Variants in HEPHL1 observed in about 807,000 individuals in gnomAD.
HEPHL1 encodes ferroxidase HEPHL1.
Under a neutral mutation model 122.0 loss-of-function variants are expected in HEPHL1, and 123 were observed. The ratio of observed to expected loss-of-function variants is 1.01; its 90% CI spans 0.87 to 1.17. The LOEUF (loss-of-function observed/expected upper bound fraction) is 1.17, where lower values mean the gene tolerates loss of function less well. Among genes scored for constraint, HEPHL1 ranks in the 50% most tolerant of loss-of-function variants. The pLI is 0.00. For missense variants in HEPHL1, 1,452 were observed against 1,430.5 expected (o/e 1.01, Z -0.24); for synonymous variants, 527 against 508.9 (o/e 1.04, Z -0.48).
Position 94,023,062 on chromosome 11 carries a change from A to G in HEPHL1, c.170+1524A>G, listed in dbSNP as rs143439268. ...CCAAAAATTCTATGAGGGATTTTTC[A>G]ATTCATTACTGCTTGCAGATATTAT... On this transcript the variant is annotated intron_variant, in intron 1 of 19. Coordinates refer to ENST00000315765, the MANE Select transcript of HEPHL1 (RefSeq NM_001098672.2). Among the ~76,000 whole-genome samples the G allele has an allele frequency of 2.6e-5, 4 of 152,338 alleles. No homozygotes were observed. In the East Asian group the frequency reaches 7.7e-4, roughly 29 times the overall value.
At chr11:94,066,336 C>T (rs1382587486) in intron 4 of HEPHL1, among the ~76,000 whole-genome samples, 1 of 152,222 alleles carries the variant, frequency 6.6e-6, no homozygotes, top group Non-Finnish European at 1.5e-5. Flanking sequence ...GGGAGGATCA[C>T]TTGAGGCCAG....
Position 94,055,914 on chromosome 11 carries a change from C to CCTGTAACAGCTAA in HEPHL1, c.416-7593_416-7581dup. 3 of 1,110,658 alleles carry CCTGTAACAGCTAA rather than the reference C, an allele frequency of 2.7e-6. No individual in the cohort carries two copies. The Admixed American group carries it at 6.1e-5, about 22-fold the overall frequency. 68.8% of individuals were successfully genotyped at this position (1,110,658 alleles called of 1,614,324 possible). A position where few individuals can be genotyped will look rare whatever the true frequency, so the allele number is the denominator to read the frequency against. On this transcript the variant is annotated intron_variant, in intron 2 of 19. Coordinates refer to ENST00000315765, the MANE Select transcript of HEPHL1 (RefSeq NM_001098672.2). Reference sequence around the variant, plus strand: ...ATATAAGGCAGAGCCTACCGTGCCTCCTGTAACAGCTAAGGCCAGGCCAAA... The same window carrying CCTGTAACAGCTAA: ...ATATAAGGCAGAGCCTACCGTGCCTCCTGTAACAGCTAACTGTAACAGCTAAGGCCAGGCCAAA...
intron 2 of HEPHL1, among the ~76,000 whole-genome samples, chr11:94,051,554 G>A (rs1484763236): frequency 6.6e-6 from 1 of 151,958 alleles, no homozygotes; most frequent in Middle Eastern, 3.2e-3. Context: ...ATCCCAGATA[G>A]GTAGTTTGCA....
chr11:94,071,692 G>A (rs531905985), intron 6 of HEPHL1, among the ~76,000 whole-genome samples: 66 of 152,286 alleles, frequency 4.3e-4, no homozygotes, highest in South Asian at 1.9e-3. Context: ...AGAAGTAACT[G>A]CAAGTTACAA....
intron 16 of HEPHL1, among the ~76,000 whole-genome samples, chr11:94,105,665 G>A (rs1246587971): frequency 6.6e-6 from 1 of 152,088 alleles, no homozygotes; most frequent in African/African-American, 2.4e-5. Context: ...TTTGTTCTCT[G>A]TAGAGTGGTA....
chr11:94,093,975 T>TAGATAGATAG (rs1565360475), intron 13 of HEPHL1, among the ~76,000 whole-genome samples: 2 of 48,016 alleles, frequency 4.2e-5, no homozygotes, highest in African/African-American at 1.4e-4. Context: ...CCAGCAGATA[T>TAGATAGATAG]ATATATATAT....
intron 1 of HEPHL1, among the ~76,000 whole-genome samples, chr11:94,045,067 C>T (rs934981249): frequency 2.6e-5 from 4 of 152,114 alleles, no homozygotes; most frequent in Non-Finnish European, 5.9e-5. Flanking sequence ...CCACCATGCT[C>T]GGCTTTTTTG....
intron 7 of HEPHL1, 66 bp downstream of exon 7, chr11:94,073,230 C>T (rs1565355028): frequency 6.2e-7 from 1 of 1,606,730 alleles, no homozygotes; most frequent in Non-Finnish European, 8.5e-7. Context: ...TGTACATCTG[C>T]ACAGAATGAC....
At chr11:94,071,385 C>T (rs371320855) in intron 6 of HEPHL1, among the ~76,000 whole-genome samples, 12 of 152,136 alleles carry the variant, frequency 7.9e-5, no homozygotes, top group East Asian at 3.9e-4. Context: ...TTCTACCAAA[C>T]GGATGCACTT....
At position 94,103,040 on chromosome 11, in the gene HEPHL1, C is replaced by T. The variant is rs374974003; in HGVS notation, c.2682+20C>T. ...GTGAAGGTAAGGTGGAGAAAGCAAC[C>T]AAAAGGCTTAAAATAATTTGGATGA... On this transcript the variant is annotated intron_variant, in intron 15 of 19. Transcript: ENST00000315765. 2.2e-6 allele frequency: 3 copies of T among 1,349,120 alleles called. No homozygotes were observed. The highest frequency in any genetic ancestry group is 1.7e-5 in the Admixed American group (1 of 59,368). 83.6% of individuals were successfully genotyped at this position (1,349,120 alleles called of 1,614,324 possible).
chr11:94,021,404 C>G lies in HEPHL1; in HGVS notation c.36C>G (p.Leu12=). 6.2e-7 allele frequency: 1 copy of G among 1,613,368 alleles called. No homozygotes were observed. The highest frequency in any genetic ancestry group is 8.5e-7 in the Non-Finnish European group (1 of 1,179,654). Residue 12 remains leucine (L), a synonymous_variant, in exon 1 of 20, where the codon CTC becomes CTG. Transcript: ENST00000315765. ...PRKQPAGCIF[L]LTFLGLSGLV... ...AGCAGCCAGCTGGCTGCATCTTTCT[C>G]CTCACATTCCTGGGTCTGTCTGGGC...
intron 2 of HEPHL1, among the ~76,000 whole-genome samples, chr11:94,059,675 T>C (rs1467968824): frequency 6.6e-6 from 1 of 152,160 alleles, no homozygotes; most frequent in East Asian, 1.9e-4. Context: ...CTTAATAAAT[T>C]ACCTATCTCC....
chr11:94,036,968 T>C (rs1945730698), intron 1 of HEPHL1, among the ~76,000 whole-genome samples: 1 of 151,800 alleles, frequency 6.6e-6, no homozygotes, highest in Non-Finnish European at 1.5e-5. Context: ...AGGGTTCATC[T>C]CACTAGGGAG....
Position 94,100,204 on chromosome 11 carries a change from C to T in HEPHL1, c.2435-991C>T, listed in dbSNP as rs569540905. On this transcript the variant is annotated intron_variant, in intron 13 of 19. Transcript: ENST00000315765. ...TTGAGAGAAAATTGAAAATAATAACCGTCCAACAAATTTTAGATTTATATA... is the reference window on the plus strand; with the variant it reads ...TTGAGAGAAAATTGAAAATAATAACTGTCCAACAAATTTTAGATTTATATA... Among the ~76,000 whole-genome samples, 13 of 152,220 alleles carry T rather than the reference C, an allele frequency of 8.5e-5. 1 individual carries two copies. In the South Asian group the frequency reaches 2.1e-3, roughly 24 times the overall value.
chr11:94,058,283 TA>T (rs1307205466), intron 2 of HEPHL1, among the ~76,000 whole-genome samples: 1 of 152,224 alleles, frequency 6.6e-6, no homozygotes, highest in East Asian at 1.9e-4. Flanking sequence ...AATGGTTTGT[TA>T]TTTTTTTTAA....
At chr11:94,055,646 T>G (rs1198110944) in intron 2 of HEPHL1, 1 of 396,006 alleles carries the variant, frequency 2.5e-6, no homozygotes, top group Non-Finnish European at 5.0e-6. Context: ...TCCTTTCCAA[T>G]GCTGGTGAAG....
chr11:94,111,659 G>C (rs757119531), intron 19 of HEPHL1, 33 bp from the exon 20 acceptor site: 1 of 1,611,970 alleles, frequency 6.2e-7, no homozygotes, highest in Admixed American at 1.7e-5. Context: ...CCTCAAAAAT[G>C]TCAGGGGCCT....
chr11:94,099,730 G>T (rs968789929), intron 13 of HEPHL1, among the ~76,000 whole-genome samples: 4 of 152,062 alleles, frequency 2.6e-5, no homozygotes, highest in Non-Finnish European at 4.4e-5. Context: ...CCCTCCCCCA[G>T]CCTCACTGCC....
chr11:94,082,537 TAA>T lies in HEPHL1; in HGVS notation c.1838_1839del (p.Lys613ArgfsTer12), dbSNP rs1195790128. The T allele has an allele frequency of 1.9e-6, 3 of 1,612,188 alleles. No individual in the cohort carries two copies. Among genetic ancestry groups the T allele is most frequent in the Non-Finnish European group, 1.7e-6 (2 of 1,179,422 alleles). On this transcript the variant is annotated frameshift_variant, in exon 10 of 20. Coordinates refer to ENST00000315765, the MANE Select transcript of HEPHL1 (RefSeq NM_001098672.2). LOFTEE classifies it high-confidence loss of function. Reference sequence around the variant, plus strand: ...ATCCCTTCAGCATTGACAAAGAAGATAAAGAGTTTGTGAAATCCAACCGAATG... The same window carrying T: ...ATCCCTTCAGCATTGACAAAGAAGATAGAGTTTGTGAAATCCAACCGAATG... ...WHPFSIDKED[K>X]EFVKSNRMHA...
Sources: gnomAD v4.1 joint callset for allele counts (sites outside exome capture counted in the v4.1 genomes callset) on GRCh38, gnomAD v4.1.1 for gene constraint, MANE v1.5 for transcripts, NCBI Gene and HGNC (gene_info 2026-07-23, HGNC 2026-07-21) for gene names.